The following HDHD2 variants were observed in gnomAD, a reference collection of about 807,000 sequenced individuals.
HDHD2 encodes the protein haloacid dehalogenase-like hydrolase domain-containing protein 2.
In HDHD2, 26 loss-of-function variants were observed where a neutral mutation model predicts 24.8. The ratio of observed to expected loss-of-function variants is 1.05; its 90% CI spans 0.77 to 1.45. HDHD2 has a LOEUF of 1.45. Ranked by LOEUF, HDHD2 falls within the 40% of genes most tolerant of loss-of-function variation. HDHD2 has a pLI of 0.00. For synonymous variants in HDHD2, 128 were observed against 114.9 expected, an observed-to-expected ratio of 1.11 and a Z score of -0.73; for missense variants, 299 against 313.4, an observed-to-expected ratio of 0.95 and a Z score of 0.35.
At position 47,121,064 on chromosome 18, in the gene HDHD2, C is replaced by T. The variant is rs145782848; in HGVS notation, c.396-5716G>A. Among the ~76,000 whole-genome samples the T allele has an allele frequency of 1.8e-3, 266 of 151,064 alleles. 2 individuals are homozygous for T. Among genetic ancestry groups the T allele is most frequent in the Non-Finnish European group, 2.3e-3 (154 of 67,856 alleles). On this transcript the variant is annotated intron_variant, in intron 4 of 6. Coordinates refer to ENST00000300605, the MANE Select transcript of HDHD2 (RefSeq NM_032124.5). The stretch of plus-strand genomic sequence containing the variant: ...GCACATACTGTTGGAAATATGGTGC[C>T]GATGACTTGCTCAATGTAGGGTTAC...
intron 3 of HDHD2, among the ~76,000 whole-genome samples, chr18:47,133,385 C>T (rs185174148): frequency 1.3e-3 from 194 of 151,956 alleles, no homozygotes; most frequent in Non-Finnish European, 2.4e-3. Flanking sequence ...TTTCTTAATC[C>T]AGTCTATCAT....
chr18:47,145,428 C>T (rs976017151), intron 1 of HDHD2, among the ~76,000 whole-genome samples: 4 of 151,988 alleles, frequency 2.6e-5, no homozygotes, highest in East Asian at 3.8e-4. Flanking sequence ...CATATGGAGA[C>T]GAACTGATCA....
intron 1 of HDHD2, among the ~76,000 whole-genome samples, chr18:47,143,118 T>C (rs971865380): frequency 1.3e-5 from 2 of 152,000 alleles, no homozygotes; most frequent in Non-Finnish European, 2.9e-5. Context: ...AATGAAAAAA[T>C]TTAGAAGCAC....
At chr18:47,120,957 G>A (rs1013160826) in intron 4 of HDHD2, among the ~76,000 whole-genome samples, 2 of 152,062 alleles carry the variant, frequency 1.3e-5, no homozygotes, top group African/African-American at 4.8e-5. Context: ...AAAGATCACT[G>A]ATCACCACAA....
intron 2 of HDHD2, among the ~76,000 whole-genome samples, chr18:47,135,423 G>A (rs923721126): frequency 1.3e-5 from 2 of 151,898 alleles, no homozygotes; most frequent in South Asian, 2.1e-4. Context: ...CACCATGCCC[G>A]GCTAATTTTG....
At chr18:47,119,318 A>C (rs1206882513) in intron 4 of HDHD2, among the ~76,000 whole-genome samples, 2 of 152,230 alleles carry the variant, frequency 1.3e-5, no homozygotes, top group Non-Finnish European at 2.9e-5. Flanking sequence ...ACTCTTTCAA[A>C]ATTGTGAATC....
chr18:47,116,090 TTAG>T (rs2063556414), intron 4 of HDHD2, among the ~76,000 whole-genome samples: 1 of 152,128 alleles, frequency 6.6e-6, no homozygotes, highest in Non-Finnish European at 1.5e-5. Context: ...AGAATCCTCA[TTAG>T]TAACTCAGGC....
intron 4 of HDHD2, among the ~76,000 whole-genome samples, chr18:47,125,545 C>T (rs560934561): frequency 1.3e-5 from 2 of 152,256 alleles, no homozygotes; most frequent in African/African-American, 4.8e-5. Flanking sequence ...TAATACACTA[C>T]TACTATACAA....
At chr18:47,111,065 C>A (rs955706889) in intron 6 of HDHD2, 3 of 985,270 alleles carry the variant, frequency 3.0e-6, no homozygotes, top group Non-Finnish European at 3.6e-6. Context: ...GCTGGCTGTT[C>A]CACATGTTTT....
intron 1 of HDHD2, among the ~76,000 whole-genome samples, chr18:47,146,361 T>C (rs1004318790): frequency 1.3e-5 from 2 of 152,046 alleles, no homozygotes; most frequent in African/African-American, 4.8e-5. Flanking sequence ...TGGGCAAAAT[T>C]TAAGTCTGCA....
At chr18:47,134,784 T>G (rs2063748059) in intron 2 of HDHD2, 80 bp from the exon 3 acceptor site, 7 of 1,158,870 alleles carry the variant, frequency 6.0e-6, no homozygotes, top group Non-Finnish European at 8.8e-6. Flanking sequence ...GTTAAAACTG[T>G]GCCAAATGTT....
chr18:47,133,227 TGAGTG>T (rs2063730416), intron 3 of HDHD2, among the ~76,000 whole-genome samples: 1 of 150,834 alleles, frequency 6.6e-6, no homozygotes, highest in Non-Finnish European at 1.5e-5. Context: ...TTCCCACCTA[TGAGTG>T]AGAACATGCA....
At chr18:47,139,303 C>CA (rs34392866) in intron 1 of HDHD2, among the ~76,000 whole-genome samples, 8,674 of 142,692 alleles carry the variant, frequency 0.061, 287 homozygotes, top group East Asian at 0.13. Context: ...CTAAAAAATA[C>CA]AAAAAAAAAA....
chr18:47,111,749 T>G (rs1172906084), intron 6 of HDHD2: 1 of 985,130 alleles, frequency 1.0e-6, no homozygotes, highest in African/African-American at 1.7e-5. Context: ...TGCCACATAC[T>G]TCTTATTCAA....
chr18:47,110,239 T>C, intron 6 of HDHD2: 1 of 985,460 alleles, frequency 1.0e-6, no homozygotes, highest in South Asian at 4.7e-5. Context: ...GAGAAGACGC[T>C]TCCTGTCTTA....
chr18:47,110,764 A>G (rs2063509619), intron 6 of HDHD2: 2 of 985,098 alleles, frequency 2.0e-6, no homozygotes, highest in Non-Finnish European at 1.2e-6. Flanking sequence ...GGGAGAAAAC[A>G]GGATGCTATG....
chr18:47,112,237 A>T (rs1007448082), intron 6 of HDHD2, among the ~76,000 whole-genome samples: 1 of 152,150 alleles, frequency 6.6e-6, no homozygotes, highest in Non-Finnish European at 1.5e-5. Context: ...TCTACACAGG[A>T]TCATAAACTA....
chr18:47,123,171 A>G (rs1037738343), intron 4 of HDHD2, among the ~76,000 whole-genome samples: 4 of 152,236 alleles, frequency 2.6e-5, no homozygotes, highest in African/African-American at 4.8e-5. Context: ...AAAAGATTCT[A>G]TTAATACAAA....
chr18:47,119,971 T>A (rs1422641282), intron 4 of HDHD2, among the ~76,000 whole-genome samples: 2 of 152,182 alleles, frequency 1.3e-5, no homozygotes, highest in Non-Finnish European at 1.5e-5. Flanking sequence ...AATATTCTGA[T>A]GGGAATCTAT....
Sources: gnomAD v4.1 joint callset for allele counts (sites outside exome capture counted in the v4.1 genomes callset) on GRCh38, gnomAD v4.1.1 for gene constraint, MANE v1.5 for transcripts, NCBI Gene and HGNC (gene_info 2026-07-23, HGNC 2026-07-21) for gene names.